SMYD1: variants seen among roughly 807,000 people sequenced by gnomAD.
SMYD1 encodes SET and MYND domain containing 1.
Under a neutral mutation model 54.0 loss-of-function variants are expected in SMYD1, and 49 were observed. The ratio of observed to expected loss-of-function variants is 0.91; its 90% CI spans 0.72 to 1.15. The LOEUF is 1.15. Ranked by LOEUF, SMYD1 falls within the 50% of genes most tolerant of loss-of-function variation. The probability of loss-of-function intolerance (pLI) is 0.00; values close to 1 mark genes in which losing one functional copy is unlikely to be tolerated. For missense variants in SMYD1, 653 were observed against 639.6 expected, an observed-to-expected ratio of 1.02 and a Z score of -0.23; for synonymous variants, 269 against 234.2, an observed-to-expected ratio of 1.15 and a Z score of -1.36.
rs1452460285 is a variant in SMYD1 at position 88,113,309 on chromosome 2, C to A, written c.*2797C>A. The A allele has an allele frequency of 6.6e-6, 1 of 152,198 alleles. No individual in the cohort carries two copies. Among genetic ancestry groups the A allele is most frequent in the Admixed American group, 6.5e-5 (1 of 15,274 alleles). The allele number at this position is 152,198 out of a possible 1,614,324, so 9.4% of individuals were successfully genotyped here. ...ATTTGCTTACTTCAAGGCAAAAGAA[C>A]CATGAAACTGTATTTTGAGTTTCTA... is the stretch of plus-strand genomic sequence containing the variant. On this transcript the variant is annotated 3_prime_UTR_variant, in exon 10 of 10. Transcript: ENST00000419482.
intron 1 of SMYD1, among the ~76,000 whole-genome samples, chr2:88,075,545 T>C: frequency 8.4e-6 from 1 of 119,288 alleles, no homozygotes; most frequent in South Asian, 3.7e-4. Flanking sequence ...TTTTTTTTTT[T>C]TTTTTTTTTT....
rs4972173 is a variant in SMYD1 at position 88,084,810 on chromosome 2, C to T, written c.314+318C>T. Among the ~76,000 whole-genome samples, 1,467 of 152,200 alleles carry T rather than the reference C, an allele frequency of 9.6e-3. 63 individuals are homozygous for T. The highest frequency in any genetic ancestry group is 0.064 in the East Asian group (331 of 5,174). ...TGTTGCCCAGGTTGGAGTGGAGGGG[C>T]CCTGATCACAGCTCACTGCAGCCTT... On this transcript the variant is annotated intron_variant, in intron 2 of 9. Coordinates refer to ENST00000419482, the MANE Select transcript of SMYD1 (RefSeq NM_198274.4).
At chr2:88,088,667 TC>T (rs1674395514) in intron 3 of SMYD1, among the ~76,000 whole-genome samples, 1 of 152,196 alleles carries the variant, frequency 6.6e-6, no homozygotes, top group Non-Finnish European at 1.5e-5. Flanking sequence ...TACATTTTTT[TC>T]CTCTCCACGT....
At chr2:88,070,670 G>A (rs760988467) in intron 1 of SMYD1, among the ~76,000 whole-genome samples, 3 of 152,040 alleles carry the variant, frequency 2.0e-5, no homozygotes, top group Non-Finnish European at 2.9e-5. Context: ...TTGGCCGGGT[G>A]TGGTGGCTCA....
chr2:88,079,236 G>C (rs1326411726), intron 1 of SMYD1, among the ~76,000 whole-genome samples: 3 of 152,168 alleles, frequency 2.0e-5, no homozygotes, highest in Non-Finnish European at 4.4e-5. Context: ...GCCTTCTCCT[G>C]GTCACAGTGG....
chr2:88,096,295 G>A (rs866509766), intron 5 of SMYD1, among the ~76,000 whole-genome samples: 13 of 152,252 alleles, frequency 8.5e-5, no homozygotes, highest in Middle Eastern at 3.4e-3. Context: ...GGAGGCTTAC[G>A]GGCATGGACG....
intron 1 of SMYD1, among the ~76,000 whole-genome samples, chr2:88,076,512 C>T (rs887086001): frequency 6.6e-6 from 1 of 152,152 alleles, no homozygotes; most frequent in African/African-American, 2.4e-5. Context: ...CGTGAGCCAC[C>T]GCGCCCCGCC....
Position 88,112,040 on chromosome 2 carries a change from A to G in SMYD1, c.*1528A>G. 1.4e-6 allele frequency: 1 copy of G among 703,014 alleles called. No individual in the cohort carries two copies. The highest frequency in any genetic ancestry group is 1.5e-5 in the South Asian group (1 of 67,588). 43.5% of individuals were successfully genotyped at this position (703,014 alleles called of 1,614,324 possible). ...GCTGAAAACTCTGCAAATGGGCCAC[A>G]CTTTTGCAAAATACTTGTATCTGAC... On this transcript the variant is annotated 3_prime_UTR_variant, in exon 10 of 10. Transcript: ENST00000419482.
intron 8 of SMYD1, among the ~76,000 whole-genome samples, chr2:88,107,385 C>T (rs1674901497): frequency 6.6e-6 from 1 of 151,338 alleles, no homozygotes; most frequent in Admixed American, 6.6e-5. Flanking sequence ...GCTAAGGAAG[C>T]CCTGCAAAAG....
chr2:88,103,173 G>A, intron 7 of SMYD1, 23 bp downstream of exon 7: 3 of 1,603,336 alleles, frequency 1.9e-6, no homozygotes, highest in Non-Finnish European at 2.6e-6. Flanking sequence ...TTGTTATAGA[G>A]GATGGGGGTA....
chr2:88,077,208 A>G (rs912222805), intron 1 of SMYD1, among the ~76,000 whole-genome samples: 1 of 152,178 alleles, frequency 6.6e-6, no homozygotes, highest in African/African-American at 2.4e-5. Flanking sequence ...AACTATTTCC[A>G]TACAAGGAGC....
Position 88,112,146 on chromosome 2 carries a change from G to C in SMYD1, c.*1634G>C, listed in dbSNP as rs1012786555. ...AGTCTTTCAAGCCCCCACATCACAG[G>C]CTTAGGGACGGCACTAACTTTCTCC... is the stretch of plus-strand genomic sequence containing the variant. On this transcript the variant is annotated 3_prime_UTR_variant, in exon 10 of 10. Coordinates refer to ENST00000419482, the MANE Select transcript of SMYD1 (RefSeq NM_198274.4). 12 of 703,364 alleles carry C rather than the reference G, an allele frequency of 1.7e-5. No homozygotes were observed. Among genetic ancestry groups the C allele is most frequent in the African/African-American group, 1.6e-4 (9 of 57,356 alleles). 43.6% of individuals were successfully genotyped at this position (703,364 alleles called of 1,614,324 possible).
At chr2:88,106,879 A>G (rs748544077) in intron 8 of SMYD1, among the ~76,000 whole-genome samples, 3 of 152,130 alleles carry the variant, frequency 2.0e-5, no homozygotes, top group Non-Finnish European at 1.5e-5. Flanking sequence ...TTATTTTTAA[A>G]AGAGCCATCA....
intron 6 of SMYD1, among the ~76,000 whole-genome samples, chr2:88,100,065 C>G (rs113500277): frequency 7.9e-5 from 12 of 151,828 alleles, no homozygotes; most frequent in South Asian, 2.1e-4. Context: ...TCCTCCCCCC[C>G]TCTTCCTCCT....
intron 1 of SMYD1, among the ~76,000 whole-genome samples, chr2:88,071,800 A>T (rs1673951677): frequency 6.6e-6 from 1 of 151,922 alleles, no homozygotes; most frequent in Admixed American, 6.6e-5. Flanking sequence ...GAGTGGGTAA[A>T]AGTTGCTCTC....
rs1674995734 is a variant in SMYD1 at position 88,110,492 on chromosome 2, C to T, written c.1453C>T (p.Leu485=). 3 of 1,589,436 alleles carry T rather than the reference C, an allele frequency of 1.9e-6. No homozygotes were observed. The highest frequency in any genetic ancestry group is 2.6e-6 in the Non-Finnish European group (3 of 1,167,300). The part of the protein sequence containing the change: ...AEPSNEPSPA[L]FHKKQ ...GCCCAGCAATGAGCCATCCCCAGCT[C>T]TGTTCCACAAGAAGCAATGAGGACT... is the stretch of plus-strand genomic sequence containing the variant. Residue 485 remains leucine (L), a synonymous_variant, in exon 10 of 10, where the codon CTG becomes TTG. Coordinates refer to ENST00000419482, the MANE Select transcript of SMYD1 (RefSeq NM_198274.4).
chr2:88,103,797 A>T (rs1674784125), intron 7 of SMYD1, among the ~76,000 whole-genome samples: 1 of 152,094 alleles, frequency 6.6e-6, no homozygotes, highest in Non-Finnish European at 1.5e-5. Context: ...GCTTATTGGA[A>T]ATACTGATTT....
intron 1 of SMYD1, among the ~76,000 whole-genome samples, chr2:88,078,844 A>G (rs1674125907): frequency 6.6e-6 from 1 of 152,264 alleles, no homozygotes; most frequent in African/African-American, 2.4e-5. Context: ...AGCCGAGGGC[A>G]TAGAGAGAAG....
Position 88,108,441 on chromosome 2 carries a change from G to T in SMYD1, c.1216G>T (p.Ala406Ser), listed in dbSNP as rs200376153. 2.5e-4 allele frequency: 402 copies of T among 1,613,092 alleles called. 2 individuals carry two copies. The highest frequency in any genetic ancestry group is 8.9e-5 in the East Asian group (4 of 44,734). ...GCGGGCAGGGCTGACCAACTGGCATGCTGGTAACATTGAGGTGGGGCACGG... is the reference window on the plus strand; with the variant it reads ...GCGGGCAGGGCTGACCAACTGGCATTCTGGTAACATTGAGGTGGGGCACGG... ...VMRAGLTNWH[A>S]GNIEVGHGMI... The change falls in exon 9 of 10, where the codon GCT (alanine) becomes TCT (serine). Residue 406 changes from alanine to serine, a missense_variant. Physicochemically the swap from Ala to Ser is moderately conservative, Grantham distance 99 (BLOSUM62 1). Coordinates refer to ENST00000419482, the MANE Select transcript of SMYD1 (RefSeq NM_198274.4).
Sources: allele counts gnomAD v4.1 joint callset (sites outside exome capture counted in the v4.1 genomes callset), GRCh38; gene constraint gnomAD v4.1.1; transcripts MANE v1.5; gene names NCBI Gene and HGNC (gene_info 2026-07-23, HGNC 2026-07-21).